The following PXN variants were observed in gnomAD, a reference collection of about 807,000 sequenced individuals.
PXN encodes the protein paxillin.
Under a neutral mutation model 103.6 loss-of-function variants are expected in PXN, and 61 were observed. The observed-to-expected ratio is 0.59, with a 90% CI of 0.48 to 0.73. The LOEUF (loss-of-function observed/expected upper bound fraction) is 0.73, where lower values mean the gene tolerates loss of function less well. PXN is among the 30% of genes least tolerant of loss of function. The pLI is 0.00. For missense variants in PXN, 1,274 were observed against 1,460.3 expected (o/e 0.87, Z 2.08); for synonymous variants, 562 against 607.8 (o/e 0.92, Z 1.11).
In PXN at chr12:120,260,602, T is replaced by TA. The variant is rs1893729950; in HGVS notation, c.13+5014dup. Among the ~76,000 whole-genome samples, 9 of 151,946 alleles carry TA rather than the reference T, an allele frequency of 5.9e-5. No homozygotes were observed. In the South Asian group the frequency reaches 1.9e-3, roughly 32 times the overall value. On this transcript the variant is annotated intron_variant, in intron 1 of 14. Coordinates refer to ENST00000637617, the MANE Select transcript of PXN (RefSeq NM_001385981.1). ...GAATAGGGTGGGTGCAGAAAAATGT[T>TA]AGTGTCCTAGAAACAGAAAACAGTC...
At chr12:120,238,376 G>A (rs1354455443) in intron 1 of PXN, among the ~76,000 whole-genome samples, 3 of 152,188 alleles carry the variant, frequency 2.0e-5, no homozygotes, top group Non-Finnish European at 4.4e-5. Context: ...GAACGGAGGT[G>A]CCTGTGCCCG....
In PXN at chr12:120,224,590, G is replaced by A. The variant is rs1886286363; in HGVS notation, c.14-213C>T. The A allele has an allele frequency of 1.4e-6, 1 of 697,346 alleles. No homozygotes were observed. The highest frequency in any genetic ancestry group is 2.0e-5 in the Admixed American group (1 of 49,858). The allele number at this position is 697,346 out of a possible 1,614,324, so 43.2% of individuals were successfully genotyped here. A position where few individuals can be genotyped will look rare whatever the true frequency, so the allele number is the denominator to read the frequency against. On this transcript the variant is annotated intron_variant, in intron 1 of 14. Transcript: ENST00000637617. This position sits in a 1 kb window ranked among gnomAD's most constrained non-coding sequence, Gnocchi z 5.0. The stretch of plus-strand genomic sequence containing the variant: ...AAGCTAACTTCTTCTGGCCACCCAG[G>A]ACTGAAAGTGCTCTAGAGGCGGGCT...
Position 120,223,725 on chromosome 12 carries a change from C to T in PXN, c.349G>A (p.Val117Ile), listed in dbSNP as rs754349716. Residue 117 changes from valine (V) to isoleucine (I), a missense_variant, in exon 3 of 15, where the codon GTC becomes ATC. Around this residue, in one of 2 missense-constraint regions of PXN, gnomAD observed 1,178 missense variants for 1,309.0 expected, o/e 0.90. Coordinates refer to ENST00000637617, the MANE Select transcript of PXN (RefSeq NM_001385981.1). Reference protein sequence around the residue: ...PCSRVGEEEHVYSFPNKQKSA... With the variant: ...PCSRVGEEEHIYSFPNKQKSA... ...GGCAGACTGGGGCAGTACCTGTAGA[C>T]GTGCTCCTCCTCACCCACTCGGGAG... 27 of 1,588,080 alleles carry T rather than the reference C, an allele frequency of 1.7e-5. No homozygotes were observed. The highest frequency in any genetic ancestry group is 6.9e-5 in the East Asian group (3 of 43,630).
Position 120,219,792 on chromosome 12 carries a change from T to C in PXN, c.1131A>G (p.Thr377=). ...GCCTCCAATCTCGACCCTGACTCTC[T>C]GTGCCCACTGCCCACAGAGAACCCT... ...SVEGSLWAVG[T]ESQGRDWRHL... Residue 377 remains threonine, a synonymous_variant, in exon 7 of 15, where the codon ACA becomes ACG. Transcript: ENST00000637617. This position sits in a 1 kb window ranked among gnomAD's most constrained non-coding sequence, Gnocchi z 6.5. 1 of 1,598,292 alleles carries C rather than the reference T, an allele frequency of 6.3e-7. No homozygotes were observed. Among genetic ancestry groups the C allele is most frequent in the Non-Finnish European group, 8.5e-7 (1 of 1,179,732 alleles).
At chr12:120,241,183 C>A (rs1009397222) in intron 1 of PXN, among the ~76,000 whole-genome samples, 1 of 152,206 alleles carries the variant, frequency 6.6e-6, no homozygotes, top group Non-Finnish European at 1.5e-5. Flanking sequence ...GCAGGCCTGA[C>A]AGTGCACCAC....
At chr12:120,260,573 C>T (rs1893723820) in intron 1 of PXN, among the ~76,000 whole-genome samples, 1 of 150,712 alleles carries the variant, frequency 6.6e-6, no homozygotes, top group Admixed American at 6.6e-5. Context: ...TGGAAGACAA[C>T]AGAGAATAGG....
At chr12:120,234,388 G>A (rs776378864) in intron 1 of PXN, among the ~76,000 whole-genome samples, 3 of 152,068 alleles carry the variant, frequency 2.0e-5, no homozygotes, top group Non-Finnish European at 4.4e-5. Context: ...CAGCCTGGGC[G>A]ACAGAGTAAG....
In PXN at chr12:120,216,107, C is replaced by CGG. The variant is rs1882893768; in HGVS notation, c.2301+164_2301+165dup. On this transcript the variant is annotated intron_variant, in intron 9 of 14. Coordinates refer to ENST00000637617, the MANE Select transcript of PXN (RefSeq NM_001385981.1). This position sits in a 1 kb window ranked among gnomAD's most constrained non-coding sequence, Gnocchi z 5.1. ...GCGGACCTTCTGAGTGGGGGAAGAC[C>CGG]GGGGTCAAGGTTTACGGCAGGACTG... 1 of 1,284,314 alleles carries CGG rather than the reference C, an allele frequency of 7.8e-7. No individual in the cohort carries two copies. 79.6% of individuals were successfully genotyped at this position (1,284,314 alleles called of 1,614,324 possible).
intron 1 of PXN, among the ~76,000 whole-genome samples, chr12:120,243,018 C>T (rs1890424250): frequency 6.6e-6 from 1 of 152,156 alleles, no homozygotes; most frequent in Non-Finnish European, 1.5e-5. Context: ...TGTCCTTGGC[C>T]TTGTGGCTCA....
At chr12:120,240,239 T>C (rs1327713828) in intron 1 of PXN, among the ~76,000 whole-genome samples, 1 of 152,020 alleles carries the variant, frequency 6.6e-6, no homozygotes, top group East Asian at 1.9e-4. Flanking sequence ...GCCATGCATA[T>C]CATTAGTGCC....
Position 120,222,930 on chromosome 12 carries a change from A to C in PXN, c.426T>G (p.Leu142=), listed in dbSNP as rs772052352. Residue 142 remains leucine, a synonymous_variant, in exon 4 of 15, where the codon CTT becomes CTG. Coordinates refer to ENST00000637617, the MANE Select transcript of PXN (RefSeq NM_001385981.1). The surrounding 1 kb of genome is among the most constrained non-coding windows in gnomAD (Gnocchi z 4.7). ...TVMSTSLGSN[L]SELDRLLLEL... is the part of the protein sequence containing the mutation. Reference sequence around the variant, plus strand: ...CCAGCAGCAGGCGGTCGAGTTCAGAAAGGTTGCTGCCCAGGGACGTGCTCA... The same window carrying C: ...CCAGCAGCAGGCGGTCGAGTTCAGACAGGTTGCTGCCCAGGGACGTGCTCA... The C allele has an allele frequency of 6.2e-7, 1 of 1,613,946 alleles. No individual in the cohort carries two copies. The highest frequency in any genetic ancestry group is 8.5e-7 in the Non-Finnish European group (1 of 1,179,878).
chr12:120,234,656 T>C (rs998891767), intron 1 of PXN, among the ~76,000 whole-genome samples: 1 of 152,026 alleles, frequency 6.6e-6, no homozygotes, highest in Non-Finnish European at 1.5e-5. Flanking sequence ...GTGAGGAGGA[T>C]GGGTTCAAAT....
In PXN at chr12:120,214,869, G is replaced by C; in HGVS notation, c.2704C>G (p.Leu902Val). 6.2e-7 allele frequency: 1 copy of C among 1,614,000 alleles called. No individual in the cohort carries two copies. The highest frequency in any genetic ancestry group is 1.1e-5 in the South Asian group (1 of 91,086). The change falls in exon 12 of 15, where the codon CTC becomes GTC. Residue 902 changes from leucine (L) to valine (V), a missense_variant. Around this residue, in one of 2 missense-constraint regions of PXN, gnomAD observed 1,178 missense variants for 1,309.0 expected, o/e 0.90. Transcript: ENST00000637617. The surrounding 1 kb of genome is among the most constrained non-coding windows in gnomAD (Gnocchi z 5.0). Reference protein sequence around the residue: ...QPYCEKDYHNLFSPRCYYCNG... With the variant: ...QPYCEKDYHNVFSPRCYYCNG... ...CAGTAGTAGCAGCGCGGGGAGAAGA[G>C]GTTGTGGTAGTCCTTTTCACAGTAG...
chr12:120,233,017 G>A (rs1301491348), intron 1 of PXN, among the ~76,000 whole-genome samples: 1 of 152,064 alleles, frequency 6.6e-6, no homozygotes, highest in Non-Finnish European at 1.5e-5. Flanking sequence ...TTCCTTCGCG[G>A]GGCCTCTCCC....
Position 120,216,869 on chromosome 12 carries a change from T to C in PXN, c.1964A>G (p.Lys655Arg). ...GVIITVQPRG[K>R]RAGGQLVEKV... is the part of the protein sequence containing the mutation. ...CTCTACGAGCTGCCCCCCGGCCCGC[T>C]TCCCACGTGGCTGCACAGTGATGAT... Residue 655 changes from lysine to arginine, a missense_variant, in exon 8 of 15, where the codon AAG (lysine) becomes AGG (arginine). By Grantham distance (26) the Lys-to-Arg change is conservative. Coordinates refer to ENST00000637617, the MANE Select transcript of PXN (RefSeq NM_001385981.1). The surrounding 1 kb of genome is among the most constrained non-coding windows in gnomAD (Gnocchi z 5.1). The C allele has an allele frequency of 1.3e-6, 2 of 1,507,574 alleles. No homozygotes were observed. The highest frequency in any genetic ancestry group is 1.8e-6 in the Non-Finnish European group (2 of 1,137,078). The allele number at this position is 1,507,574 out of a possible 1,614,324, so 93.4% of individuals were successfully genotyped here. A position where few individuals can be genotyped will look rare whatever the true frequency, so the allele number is the denominator to read the frequency against.
chr12:120,242,661 A>G (rs1890358119), intron 1 of PXN, among the ~76,000 whole-genome samples: 1 of 152,040 alleles, frequency 6.6e-6, no homozygotes, highest in South Asian at 2.1e-4. Context: ...AGAGGCGGGC[A>G]GATCACTTGA....
At chr12:120,260,506 A>AC (rs941087994) in intron 1 of PXN, among the ~76,000 whole-genome samples, 2 of 151,444 alleles carry the variant, frequency 1.3e-5, no homozygotes, top group Non-Finnish European at 2.9e-5. Flanking sequence ...TCAGGAAAAA[A>AC]AAAAAAAAGA....
Position 120,217,225 on chromosome 12 carries a change from A to G in PXN, c.1717-109T>C. On this transcript the variant is annotated intron_variant, in intron 7 of 14. Coordinates refer to ENST00000637617, the MANE Select transcript of PXN (RefSeq NM_001385981.1). The surrounding 1 kb of genome is among the most constrained non-coding windows in gnomAD (Gnocchi z 4.1). Reference sequence around the variant, plus strand: ...AGAGGGAGCACAAAAGAAAACCACCAAAGAACCAAGCGGAGGTGGGTGGAG... The same window carrying G: ...AGAGGGAGCACAAAAGAAAACCACCGAAGAACCAAGCGGAGGTGGGTGGAG... 1 of 980,952 alleles carries G rather than the reference A, an allele frequency of 1.0e-6. No homozygotes were observed. The highest frequency in any genetic ancestry group is 2.7e-5 in the East Asian group (1 of 37,014). The allele number at this position is 980,952 out of a possible 1,614,324, so 60.8% of individuals were successfully genotyped here. A position where few individuals can be genotyped will look rare whatever the true frequency, so the allele number is the denominator to read the frequency against.
In PXN at chr12:120,219,788, T is replaced by C. The variant is rs1884527701; in HGVS notation, c.1135A>G (p.Ser379Gly). 6.3e-7 allele frequency: 1 copy of C among 1,598,168 alleles called. No homozygotes were observed. The highest frequency in any genetic ancestry group is 8.5e-7 in the Non-Finnish European group (1 of 1,179,692). The change falls in exon 7 of 15, where the codon AGT (serine) becomes GGT (glycine). Residue 379 changes from serine to glycine, a missense_variant. Around this residue, in one of 2 missense-constraint regions of PXN, gnomAD observed 1,178 missense variants for 1,309.0 expected, o/e 0.90. Transcript: ENST00000637617. This position sits in a 1 kb window ranked among gnomAD's most constrained non-coding sequence, Gnocchi z 6.5. ...AGGTGCCTCCAATCTCGACCCTGAC[T>C]CTCTGTGCCCACTGCCCACAGAGAA... ...EGSLWAVGTE[S>G]QGRDWRHLPT...
Sources: allele counts gnomAD v4.1 joint callset (sites outside exome capture counted in the v4.1 genomes callset), GRCh38; gene constraint gnomAD v4.1.1; regional missense constraint gnomAD v4.1.1; non-coding constraint Gnocchi (gnomAD v3.1); transcripts MANE v1.5; gene names NCBI Gene and HGNC (gene_info 2026-07-23, HGNC 2026-07-21).